ATRN: variants seen among roughly 807,000 people sequenced by gnomAD.
The protein encoded by ATRN is attractin-2.
A neutral mutation model predicts 178.7 loss-of-function variants in ATRN; 54 were observed. That is an observed-to-expected ratio of 0.30 (90% CI 0.24 to 0.38). ATRN has a LOEUF of 0.38. Ranked by LOEUF, ATRN falls within the 10% of genes least tolerant of loss-of-function variation. The probability of loss-of-function intolerance (pLI) is 1.00; values close to 1 mark genes in which losing one functional copy is unlikely to be tolerated. For synonymous variants in ATRN, 636 were observed against 663.0 expected, an observed-to-expected ratio of 0.96 and a Z score of 0.63; for missense variants, 1,443 against 1,815.1, an observed-to-expected ratio of 0.79 and a Z score of 3.73.
At chr20:3,508,639 G>C (rs960194270) in intron 1 of ATRN, among the ~76,000 whole-genome samples, 7 of 152,210 alleles carry the variant, frequency 4.6e-5, no homozygotes, top group East Asian at 1.9e-4. Flanking sequence ...TACAGTAAAG[G>C]GAGTTCCGTA....
rs747506337 is a variant in ATRN, at chr20:3,584,698, G to T, written c.3002G>T (p.Gly1001Val). The T allele has an allele frequency of 6.2e-7, 1 of 1,614,004 alleles. No homozygotes were observed. Among genetic ancestry groups the T allele is most frequent in the Non-Finnish European group, 8.5e-7 (1 of 1,179,986 alleles). The change falls in exon 18 of 29, where the codon GGC becomes GTC. Residue 1001 changes from glycine (G) to valine (V), a missense_variant. Physicochemically the swap from Gly to Val is moderately radical, Grantham distance 109 (BLOSUM62 -3). Transcript: ENST00000262919. ...TGTAGTCATTGCTTGGAGCAACCAG[G>T]CTGTGGCTGGTGTACTGATCCCAGC... Reference protein sequence around the residue: ...CTCSHCLEQPGCGWCTDPSNT... With the variant: ...CTCSHCLEQPVCGWCTDPSNT...
chr20:3,495,245 A>G (rs1388169760), intron 1 of ATRN, among the ~76,000 whole-genome samples: 19 of 152,166 alleles, frequency 1.2e-4, no homozygotes. Flanking sequence ...GGTGCCAAAA[A>G]TTTAAGTCAC....
At chr20:3,579,858 G>A (rs2086259692) in intron 15 of ATRN, among the ~76,000 whole-genome samples, 1 of 152,182 alleles carries the variant, frequency 6.6e-6, no homozygotes, top group Admixed American at 6.5e-5. Context: ...GTATGGAAAT[G>A]TGGCCTGGGT....
At chr20:3,620,764 ATTC>A (rs2086890969) in intron 24 of ATRN, among the ~76,000 whole-genome samples, 2 of 152,182 alleles carry the variant, frequency 1.3e-5, no homozygotes, top group African/African-American at 4.8e-5. Flanking sequence ...CTTTTCATTC[ATTC>A]TTCTACAACA....
chr20:3,555,205 G>A (rs931944824), intron 6 of ATRN, among the ~76,000 whole-genome samples: 9 of 151,270 alleles, frequency 5.9e-5, no homozygotes, highest in Middle Eastern at 3.2e-3. Context: ...GGGTTTCACC[G>A]TGTTAGCCAG....
intron 19 of ATRN, among the ~76,000 whole-genome samples, chr20:3,592,137 C>T (rs943835666): frequency 2.6e-5 from 4 of 152,220 alleles, no homozygotes; most frequent in African/African-American, 9.6e-5. Context: ...TAGTGGCTCA[C>T]GCCTGTAATC....
intron 1 of ATRN, chr20:3,490,316 C>G: frequency 9.8e-7 from 1 of 1,017,202 alleles, no homozygotes; most frequent in Non-Finnish European, 1.6e-6. Flanking sequence ...GGTCAGAGCG[C>G]TGCTTGTCTC....
At chr20:3,560,619 C>A in intron 7 of ATRN, 43 bp from the exon 8 acceptor site, 1 of 1,473,184 alleles carries the variant, frequency 6.8e-7, no homozygotes, top group Non-Finnish European at 9.4e-7. Flanking sequence ...CAGATTTAAT[C>A]TTTTCAATGT....
chr20:3,483,137 A>T (rs2084644402), intron 1 of ATRN, among the ~76,000 whole-genome samples: 1 of 152,172 alleles, frequency 6.6e-6, no homozygotes, highest in South Asian at 2.1e-4. Context: ...GTACAGAGAG[A>T]TATTTCTGCA....
At chr20:3,562,519 A>G in intron 9 of ATRN, 60 bp downstream of exon 9, 4 of 1,546,468 alleles carry the variant, frequency 2.6e-6, no homozygotes, top group Non-Finnish European at 3.6e-6. Flanking sequence ...GCAATTGTGG[A>G]GAAAATATTG....
At chr20:3,504,532 A>T (rs942071421) in intron 1 of ATRN, among the ~76,000 whole-genome samples, 24 of 150,324 alleles carry the variant, frequency 1.6e-4, no homozygotes, top group Non-Finnish European at 2.7e-4. Flanking sequence ...AAAAAAAAAA[A>T]AAATTAGCTA....
chr20:3,551,465 G>T (rs186934392), intron 6 of ATRN, among the ~76,000 whole-genome samples: 13 of 152,226 alleles, frequency 8.5e-5, no homozygotes, highest in Admixed American at 1.3e-4. Flanking sequence ...TACCTTGCTT[G>T]TCTCACTTCC....
At position 3,519,209 on chromosome 20, in the gene ATRN, G is replaced by T. The variant is rs951768877; in HGVS notation, c.411-16044G>T. On this transcript the variant is annotated intron_variant, in intron 1 of 28. Coordinates refer to ENST00000262919, the MANE Select transcript of ATRN (RefSeq NM_139321.3). ...CTACAAGGCCAGTGTATTGCTGAAT[G>T]GTTGGGCAGAGTCTTAACCTGTGCT... is the stretch of plus-strand genomic sequence containing the variant. Among the ~76,000 whole-genome samples the T allele has an allele frequency of 3.3e-5, 5 of 151,986 alleles. No homozygotes were observed. In the East Asian group the frequency reaches 5.8e-4, roughly 18 times the overall value.
intron 3 of ATRN, among the ~76,000 whole-genome samples, chr20:3,540,704 C>T (rs908027630): frequency 1.3e-5 from 2 of 152,144 alleles, no homozygotes; most frequent in Non-Finnish European, 2.9e-5. Flanking sequence ...TAATATCCAT[C>T]ATGTTCCTTG....
At position 3,604,378 on chromosome 20, in the gene ATRN, G is replaced by A. The variant is rs1235989740; in HGVS notation, c.3801+116G>A. 4.0e-6 allele frequency: 5 copies of A among 1,235,052 alleles called. No individual in the cohort carries two copies. The East Asian group carries it at 1.2e-4, about 30-fold the overall frequency. 76.5% of individuals were successfully genotyped at this position (1,235,052 alleles called of 1,614,324 possible). A position where few individuals can be genotyped will look rare whatever the true frequency, so the allele number is the denominator to read the frequency against. ...AGATGTGCAATGTGGCTTTGCCTTT[G>A]TAACGTGTATGGCAGAGGAGTGCTG... On this transcript the variant is annotated intron_variant, in intron 24 of 28. Coordinates refer to ENST00000262919, the MANE Select transcript of ATRN (RefSeq NM_139321.3).
chr20:3,583,331 C>T (rs988318709), intron 16 of ATRN, among the ~76,000 whole-genome samples: 5 of 152,178 alleles, frequency 3.3e-5, no homozygotes, highest in Non-Finnish European at 7.3e-5. Flanking sequence ...GGCTTACAGC[C>T]CTACTTTTAT....
chr20:3,640,589 A>G (rs776186225), intron 27 of ATRN, among the ~76,000 whole-genome samples: 15 of 152,260 alleles, frequency 9.9e-5, no homozygotes, highest in Non-Finnish European at 1.9e-4. Flanking sequence ...TCCAAAGACA[A>G]AGAGAACATC....
At chr20:3,598,116 G>A in intron 22 of ATRN, 116 bp downstream of exon 22, 1 of 671,744 alleles carries the variant, frequency 1.5e-6, no homozygotes, top group South Asian at 1.8e-5. Context: ...TACACGAGAT[G>A]ATCTCTAGAG....
chr20:3,578,839 C>T, intron 15 of ATRN, 67 bp downstream of exon 15: 2 of 1,451,474 alleles, frequency 1.4e-6, no homozygotes. Flanking sequence ...ATGACTGCAG[C>T]TTGCATGTGG....
Sources: gnomAD v4.1 joint callset for allele counts (sites outside exome capture counted in the v4.1 genomes callset) on GRCh38, gnomAD v4.1.1 for gene constraint, MANE v1.5 for transcripts, NCBI Gene and HGNC (gene_info 2026-07-23, HGNC 2026-07-21) for gene names.